The following DIDO1 variants were observed in gnomAD, a reference collection of about 807,000 sequenced individuals.
DIDO1 encodes the protein death-inducer obliterator 1.
In DIDO1, 16 loss-of-function variants were observed where a neutral mutation model predicts 99.4. That is an observed-to-expected ratio of 0.16 (90% confidence interval 0.11 to 0.24). The LOEUF (loss-of-function observed/expected upper bound fraction) is 0.24. Ranked by LOEUF, DIDO1 falls within the 10% of genes least tolerant of loss-of-function variation. DIDO1 has a pLI of 1.00. For missense variants in DIDO1, 2,996 were observed against 3,014.0 expected (o/e 0.99, Z 0.14); for synonymous variants, 1,366 against 1,239.1 (o/e 1.10, Z -2.15).
rs779190182 is a variant in DIDO1 at position 62,881,603 on chromosome 20, G to A, written c.4353C>T (p.Asp1451=). The A allele has an allele frequency of 4.3e-6, 7 of 1,612,154 alleles. No individual in the cohort carries two copies. Among genetic ancestry groups the A allele is most frequent in the Admixed American group, 3.3e-5 (2 of 60,026 alleles). ...VDDLPNRMCA[D]VRRNSVERPA... ...GCCTCTCCACGGAGTTCCTTCTCAC[G>A]TCGGCACACATCCTGTTGGGCAGGT... is the stretch of plus-strand genomic sequence containing the variant. Residue 1451 remains aspartate (D), a synonymous_variant, in exon 16 of 16, where the codon GAC becomes GAT. Transcript: ENST00000395343. This position sits in a 1 kb window ranked among gnomAD's most constrained non-coding sequence, Gnocchi z 8.3.
At position 62,911,289 on chromosome 20, in the gene DIDO1, C is replaced by T. The variant is rs750183335; in HGVS notation, c.324G>A (p.Glu108=). The T allele has an allele frequency of 1.2e-6, 2 of 1,612,004 alleles. No homozygotes were observed. The highest frequency in any genetic ancestry group is 1.7e-6 in the Non-Finnish European group (2 of 1,180,030). Residue 108 remains glutamate, a synonymous_variant, in exon 3 of 16, where the codon GAG becomes GAA. Coordinates refer to ENST00000395343, the MANE Select transcript of DIDO1 (RefSeq NM_001193369.2). The surrounding 1 kb of genome is among the most constrained non-coding windows in gnomAD (Gnocchi z 7.0). ...EPTSCPATDA[E]TASEGSVESA... is the part of the protein sequence containing the mutation. ...TTTCCACGCTGCCCTCGGAGGCTGT[C>T]TCGGCGTCTGTGGCGGGGCAGGACG...
Sources: gnomAD v4.1 joint callset for allele counts on GRCh38, gnomAD v4.1.1 for gene constraint, Gnocchi (gnomAD v3.1) non-coding constraint, MANE v1.5 for transcripts, NCBI Gene and HGNC (gene_info 2026-07-23, HGNC 2026-07-21) for gene names.